OR1J2: variants seen among roughly 807,000 people sequenced by gnomAD.
OR1J2 encodes the protein olfactory receptor 1J2.
For synonymous variants in OR1J2, 142 were observed against 99.7 expected (o/e 1.42, Z -2.52); for missense variants, 304 against 246.1 (o/e 1.24, Z -1.57).
the OR1J2 span, among the ~76,000 whole-genome samples, chr9:122,454,036 A>T: frequency 0.012 from 1,754 of 152,322 alleles, 28 homozygotes; most frequent in African/African-American, 0.039. Flanking sequence ...GTCATCAAAG[A>T]ACTCTGAGGT....
chr9:122,569,659 C>CATTTTATTTT, the OR1J2 span, among the ~76,000 whole-genome samples: 25 of 150,498 alleles, frequency 1.7e-4, no homozygotes, highest in African/African-American at 5.1e-4. Flanking sequence ...GAAACAACTT[C>CATTTTATTTT]ATTTTATTTT....
the OR1J2 span, among the ~76,000 whole-genome samples, chr9:122,549,288 C>T: frequency 6.6e-6 from 1 of 152,112 alleles, no homozygotes; most frequent in African/African-American, 2.4e-5. Context: ...CACCTTCCAC[C>T]ATGATTGGAA....
chr9:122,477,346 A>T, the OR1J2 span: 2 of 1,614,102 alleles, frequency 1.2e-6, no homozygotes, highest in East Asian at 4.5e-5. Flanking sequence ...TAACTGATTG[A>T]GGGAGGTGTC....
the OR1J2 span, among the ~76,000 whole-genome samples, chr9:122,571,947 A>G: frequency 3.3e-5 from 5 of 152,154 alleles, no homozygotes; most frequent in African/African-American, 1.2e-4. Flanking sequence ...AAGAGGTTCA[A>G]TTGCCTCACA....
chr9:122,544,898 CTTTTT>C, the OR1J2 span, among the ~76,000 whole-genome samples: 2 of 151,888 alleles, frequency 1.3e-5, no homozygotes, highest in Admixed American at 6.6e-5. Context: ...GTTTACTTTG[CTTTTT>C]TTCTTCTAGC....
At chr9:122,559,160 A>C in the OR1J2 span, among the ~76,000 whole-genome samples, 3 of 152,156 alleles carry the variant, frequency 2.0e-5, no homozygotes, top group Non-Finnish European at 1.5e-5. Context: ...AATCCTGTCT[A>C]AGTATAACAT....
chr9:122,573,206 C>A, the OR1J2 span, among the ~76,000 whole-genome samples: 1 of 152,304 alleles, frequency 6.6e-6, no homozygotes, highest in East Asian at 1.9e-4. Flanking sequence ...GTCCTGTGAT[C>A]TCCCTCAGCA....
upstream of OR1J2, among the ~76,000 whole-genome samples, chr9:122,508,332 T>A (rs748535508): frequency 6.4e-4 from 98 of 152,124 alleles, no homozygotes; most frequent in African/African-American, 2.2e-3. Flanking sequence ...AGGAGTTAGG[T>A]TGAGGTCTAT....
the OR1J2 span, among the ~76,000 whole-genome samples, chr9:122,463,657 G>A: frequency 7.2e-5 from 11 of 152,170 alleles, no homozygotes; most frequent in African/African-American, 2.7e-4. Context: ...CCCTGAGATA[G>A]AGCCTCCTGA....
At chr9:122,484,458 C>T in the OR1J2 span, among the ~76,000 whole-genome samples, 4 of 152,140 alleles carry the variant, frequency 2.6e-5, no homozygotes, top group African/African-American at 4.8e-5. Flanking sequence ...CTGCGCCTGG[C>T]GAATAATTTT....
chr9:122,529,851 A>G, the OR1J2 span, among the ~76,000 whole-genome samples: 1 of 152,172 alleles, frequency 6.6e-6, no homozygotes, highest in Non-Finnish European at 1.5e-5. Context: ...CAAACATAGG[A>G]CATGCCCACC....
At chr9:122,552,749 AGTGTGTGTGTGTGTGT>A in the OR1J2 span, among the ~76,000 whole-genome samples, 61 of 129,758 alleles carry the variant, frequency 4.7e-4, no homozygotes, top group South Asian at 0.01. Context: ...AGAGGGCTTG[AGTGTGTGTGTGTGTGT>A]GTGTGTGTGT....
the OR1J2 span, among the ~76,000 whole-genome samples, chr9:122,544,016 G>A: frequency 6.6e-6 from 1 of 152,012 alleles, no homozygotes; most frequent in South Asian, 2.1e-4. Context: ...CATAAAATGA[G>A]GTGGCAGCTA....
the OR1J2 span, among the ~76,000 whole-genome samples, chr9:122,488,016 C>G: frequency 6.6e-6 from 1 of 152,200 alleles, no homozygotes; most frequent in African/African-American, 2.4e-5. Flanking sequence ...AGTATTCAAA[C>G]ATAAACACAT....
chr9:122,499,310 C>T, the OR1J2 span, among the ~76,000 whole-genome samples: 1 of 152,342 alleles, frequency 6.6e-6, no homozygotes, highest in African/African-American at 2.4e-5. Context: ...AGGGGGCTGC[C>T]TAAGCTTTTA....
the OR1J2 span, among the ~76,000 whole-genome samples, chr9:122,466,974 A>G: frequency 0.33 from 50,129 of 151,950 alleles, 9,522 homozygotes; most frequent in Non-Finnish European, 0.45. Context: ...GCCCACGACC[A>G]TGCCCAGCTA....
chr9:122,459,068 T>C, the OR1J2 span, among the ~76,000 whole-genome samples: 40 of 152,328 alleles, frequency 2.6e-4, no homozygotes, highest in Non-Finnish European at 4.9e-4. Context: ...TATTTGTCTT[T>C]CTGTGCCTGG....
the OR1J2 span, among the ~76,000 whole-genome samples, chr9:122,484,570 T>C: frequency 1.8e-4 from 27 of 152,222 alleles, no homozygotes; most frequent in African/African-American, 6.5e-4. Flanking sequence ...TTAGGCCAGG[T>C]AGTCAAATCT....
the OR1J2 span, among the ~76,000 whole-genome samples, chr9:122,486,971 G>A: frequency 6.6e-6 from 1 of 151,784 alleles, no homozygotes; most frequent in South Asian, 2.1e-4. Context: ...GAGAAACCAG[G>A]AAATCAGTTA....
Sources: gnomAD v4.1 joint callset for allele counts (sites outside exome capture counted in the v4.1 genomes callset) on GRCh38, gnomAD v4.1.1 for gene constraint, MANE v1.5 for transcripts, NCBI Gene and HGNC (gene_info 2026-07-23, HGNC 2026-07-21) for gene names.